The following RASGRF1 variants were observed in gnomAD, a reference collection of about 807,000 sequenced individuals.
The protein encoded by RASGRF1 is ras-specific guanine nucleotide-releasing factor 1.
RASGRF1 carries 40 observed loss-of-function variants against 138.7 expected under a neutral mutation model. The observed-to-expected ratio is 0.29, with a 90% CI of 0.22 to 0.38. RASGRF1 has a LOEUF of 0.38. RASGRF1 is among the 10% of genes least tolerant of loss of function. The pLI is 1.00. For missense variants in RASGRF1, 1,108 were observed against 1,650.4 expected, an observed-to-expected ratio of 0.67 and a Z score of 5.69; for synonymous variants, 614 against 663.2, an observed-to-expected ratio of 0.93 and a Z score of 1.14.
At chr15:79,082,757 T>C (rs2057930079) in intron 1 of RASGRF1, among the ~76,000 whole-genome samples, 1 of 152,176 alleles carries the variant, frequency 6.6e-6, no homozygotes, top group African/African-American at 2.4e-5. Context: ...CATCTGTCCT[T>C]TGGTAAGGGC....
chr15:78,971,985 C>T, intron 25 of RASGRF1, 51 bp from the exon 26 acceptor site: 1 of 1,478,502 alleles, frequency 6.8e-7, no homozygotes. Flanking sequence ...CCTAGTTCCA[C>T]CCCCAACTTT....
intron 10 of RASGRF1, among the ~76,000 whole-genome samples, chr15:79,024,379 T>G (rs1439359675): frequency 6.6e-6 from 1 of 150,388 alleles, no homozygotes; most frequent in Admixed American, 6.6e-5. Context: ...ATACACACAC[T>G]ATACACAAAT....
rs576164632 is a variant in RASGRF1, at chr15:78,999,945, TC to T, written c.2576-33del. ...AGAGGAGGGAACCAACCCTCAGCTGTCCCCAGTCCCAACTCCTCAGGCTGTT... is the reference window on the plus strand; with the variant it reads ...AGAGGAGGGAACCAACCCTCAGCTGTCCCAGTCCCAACTCCTCAGGCTGTT... On this transcript the variant is annotated intron_variant, in intron 16 of 26. Coordinates refer to ENST00000558480, the MANE Select transcript of RASGRF1 (RefSeq NM_001145648.3). 8.3e-4 allele frequency: 1,326 copies of T among 1,601,356 alleles called. 17 individuals carry two copies. In the South Asian group the frequency reaches 0.014, roughly 17 times the overall value.
intron 2 of RASGRF1, 21 bp downstream of exon 2, chr15:79,064,399 G>A (rs147526287): frequency 1.2e-6 from 2 of 1,607,458 alleles, no homozygotes; most frequent in East Asian, 2.2e-5. Flanking sequence ...GGGGCTTCCT[G>A]CCCTGGGCAA....
intron 1 of RASGRF1, among the ~76,000 whole-genome samples, chr15:79,087,152 T>C (rs139938199): frequency 1.1e-4 from 17 of 152,276 alleles, no homozygotes; most frequent in Non-Finnish European, 2.2e-4. Context: ...GGGCTTGGTG[T>C]TTGGTGCCAG....
At chr15:79,019,339 C>T (rs2056926019) in intron 11 of RASGRF1, among the ~76,000 whole-genome samples, 1 of 152,114 alleles carries the variant, frequency 6.6e-6, no homozygotes, top group East Asian at 1.9e-4. Context: ...TGATCCCACC[C>T]CCTAATCTGA....
At chr15:79,061,496 T>C (rs1039607595) in intron 2 of RASGRF1, among the ~76,000 whole-genome samples, 8 of 150,190 alleles carry the variant, frequency 5.3e-5, no homozygotes, top group Admixed American at 1.3e-4. Flanking sequence ...TAAGTGCAGT[T>C]TGATCAGTTT....
At chr15:79,086,895 G>C (rs1189566123) in intron 1 of RASGRF1, among the ~76,000 whole-genome samples, 1 of 152,234 alleles carries the variant, frequency 6.6e-6, no homozygotes, top group African/African-American at 2.4e-5. Flanking sequence ...CAAGCTCTAA[G>C]TCAACAGCAC....
chr15:79,043,435 G>T (rs773536673), intron 5 of RASGRF1, among the ~76,000 whole-genome samples: 1 of 152,098 alleles, frequency 6.6e-6, no homozygotes. Flanking sequence ...CCTGGGCTAC[G>T]CTGGGCTCTG....
chr15:79,058,486 G>C lies in RASGRF1; in HGVS notation c.384-5C>G. 6.2e-7 allele frequency: 1 copy of C among 1,613,650 alleles called. No homozygotes were observed. The highest frequency in any genetic ancestry group is 8.5e-7 in the Non-Finnish European group (1 of 1,179,600). ...TCTGTGGCGAGGGTCCTGTAGCTGT[G>C]GACAGATGGACATGGCAGGTAAGAT... On this transcript the variant is annotated splice_polypyrimidine_tract_variant and splice_region_variant and intron_variant, in intron 2 of 26. Coordinates refer to ENST00000558480, the MANE Select transcript of RASGRF1 (RefSeq NM_001145648.3).
intron 5 of RASGRF1, among the ~76,000 whole-genome samples, chr15:79,042,520 C>T (rs1595931826): frequency 6.6e-6 from 1 of 152,206 alleles, no homozygotes; most frequent in East Asian, 1.9e-4. Context: ...CATGCCCAGA[C>T]CTGTGCTGTA....
rs374689418 is a variant in RASGRF1 at position 79,064,449 on chromosome 15, G to C, written c.354C>G (p.Asp118Glu). Residue 118 changes from aspartate (D) to glutamate (E), a missense_variant, in exon 2 of 27, where the codon GAC (aspartate) becomes GAG (glutamate). This residue lies in a region of RASGRF1 where 253 missense variants were observed against 329.5 expected (regional missense o/e 0.77). Coordinates refer to ENST00000558480, the MANE Select transcript of RASGRF1 (RefSeq NM_001145648.3). The stretch of plus-strand genomic sequence containing the variant: ...CATGTGCAATGGCTGCCACCCATTC[G>C]TCACAATCTTTTGCGTCCTCTGTCC... ...ELRTEDAKDCDEWVAAIAHAS... is the reference protein window; with the variant it reads ...ELRTEDAKDCEEWVAAIAHAS... 6.2e-7 allele frequency: 1 copy of C among 1,614,050 alleles called. No individual in the cohort carries two copies. Among genetic ancestry groups the C allele is most frequent in the South Asian group, 1.1e-5 (1 of 91,082 alleles).
At position 78,971,569 on chromosome 15, in the gene RASGRF1, A is replaced by G. The variant is rs184396626; in HGVS notation, c.3681+297T>C. On this transcript the variant is annotated intron_variant, in intron 26 of 26. Coordinates refer to ENST00000558480, the MANE Select transcript of RASGRF1 (RefSeq NM_001145648.3). ...TCTGTGGATTTTGTAACTTGTAAGC[A>G]TAGTACCTTTCAGAAACAGATGTTA... is the stretch of plus-strand genomic sequence containing the variant. 1.2e-4 allele frequency among the ~76,000 whole-genome samples: 18 copies of G among 152,332 alleles called. No individual in the cohort carries two copies. In the East Asian group the frequency reaches 3.3e-3, roughly 28 times the overall value.
Position 79,090,390 on chromosome 15 carries a change from T to G in RASGRF1, c.109A>C (p.Thr37Pro). The G allele has an allele frequency of 1.2e-6, 2 of 1,613,722 alleles. No homozygotes were observed. Among genetic ancestry groups the G allele is most frequent in the South Asian group, 2.2e-5 (2 of 91,088 alleles). The change falls in exon 1 of 27, where the codon ACA (threonine) becomes CCA (proline). Residue 37 changes from threonine (T) to proline (P), a missense_variant. Physicochemically the swap from Thr to Pro is conservative, Grantham distance 38 (BLOSUM62 -1). This residue lies in a region of RASGRF1 where 253 missense variants were observed against 329.5 expected (regional missense o/e 0.77). Coordinates refer to ENST00000558480, the MANE Select transcript of RASGRF1 (RefSeq NM_001145648.3). Reference sequence around the variant, plus strand: ...GCGAACCACTTGGTTTGCCATTTTGTGTTGTCCGAACTCCGCTTGCTCAGG... The same window carrying G: ...GCGAACCACTTGGTTTGCCATTTTGGGTTGTCCGAACTCCGCTTGCTCAGG... ...GYLSKRSSDNTKWQTKWFALL... is the reference protein window; with the variant it reads ...GYLSKRSSDNPKWQTKWFALL...
intron 1 of RASGRF1, among the ~76,000 whole-genome samples, chr15:79,076,031 A>T (rs1455189663): frequency 1.3e-5 from 2 of 152,232 alleles, no homozygotes; most frequent in Non-Finnish European, 2.9e-5. Context: ...GCCATCAATG[A>T]CAACATGCAT....
intron 5 of RASGRF1, among the ~76,000 whole-genome samples, chr15:79,039,205 A>T (rs2057262525): frequency 7.0e-6 from 1 of 143,590 alleles, no homozygotes; most frequent in African/African-American, 2.6e-5. Flanking sequence ...GGAGGTTGAG[A>T]GGGTGGCTTG....
At position 78,972,059 on chromosome 15, in the gene RASGRF1, C is replaced by T. The variant is rs558907320; in HGVS notation, c.3613-125G>A. ...AGCCTCTTAATTCCATACATGTTGC[C>T]TCCTGGAAGGTCCCACGGAGGCATC... On this transcript the variant is annotated intron_variant, in intron 25 of 26. Coordinates refer to ENST00000558480, the MANE Select transcript of RASGRF1 (RefSeq NM_001145648.3). 7.1e-6 allele frequency: 6 copies of T among 847,568 alleles called. No individual in the cohort carries two copies. In the East Asian group the frequency reaches 1.5e-4, roughly 21 times the overall value. The allele number at this position is 847,568 out of a possible 1,614,324, so 52.5% of individuals were successfully genotyped here. A position where few individuals can be genotyped will look rare whatever the true frequency, so the allele number is the denominator to read the frequency against.
chr15:79,049,465 A>T (rs1030523522), intron 4 of RASGRF1, 31 bp downstream of exon 4: 6 of 1,604,962 alleles, frequency 3.7e-6, no homozygotes, highest in Non-Finnish European at 5.1e-6. Flanking sequence ...AGAGAGCTCC[A>T]AAGAAGGCCA....
intron 13 of RASGRF1, among the ~76,000 whole-genome samples, chr15:79,010,370 C>T (rs1248428721): frequency 1.3e-5 from 2 of 152,168 alleles, no homozygotes; most frequent in Non-Finnish European, 2.9e-5. Flanking sequence ...CTATCCTGCA[C>T]TTCAGCTTCC....
Sources: gnomAD v4.1 joint callset for allele counts (sites outside exome capture counted in the v4.1 genomes callset) on GRCh38, gnomAD v4.1.1 for gene constraint, gnomAD v4.1.1 regional missense constraint, MANE v1.5 for transcripts, NCBI Gene and HGNC (gene_info 2026-07-23, HGNC 2026-07-21) for gene names.